Variants in RBBP4 observed in about 807,000 individuals in gnomAD.
RBBP4 encodes the protein RB binding protein 4, chromatin remodeling factor.
A neutral mutation model predicts 57.2 loss-of-function variants in RBBP4; 3 were observed. The observed-to-expected ratio is 0.05, with a 90% CI of 0.02 to 0.14. The LOEUF (loss-of-function observed/expected upper bound fraction) is 0.14. Among genes scored for constraint, RBBP4 ranks in the 10% least tolerant of loss-of-function variants. The pLI, the probability that RBBP4 is intolerant of heterozygous loss-of-function variation, is 1.00. For missense variants in RBBP4, 107 were observed against 520.6 expected (o/e 0.21, Z 7.73); for synonymous variants, 151 against 171.5 (o/e 0.88, Z 0.93).
intron 3 of RBBP4, among the ~76,000 whole-genome samples, chr1:32,657,900 T>C (rs1648212642): frequency 6.6e-6 from 1 of 152,188 alleles, no homozygotes; most frequent in African/African-American, 2.4e-5. Flanking sequence ...TTGCCTAGGT[T>C]GGAGTGTAGT....
chr1:32,674,283 C>T (rs1470789230), intron 11 of RBBP4, among the ~76,000 whole-genome samples: 1 of 146,300 alleles, frequency 6.8e-6, no homozygotes, highest in Non-Finnish European at 1.5e-5. Flanking sequence ...GTTCAGGCTA[C>T]AGTGCAGTGG....
chr1:32,677,262 A>C (rs1187339065), intron 11 of RBBP4, among the ~76,000 whole-genome samples: 2 of 151,968 alleles, frequency 1.3e-5, no homozygotes, highest in African/African-American at 4.8e-5. Context: ...TGAGGGTTAA[A>C]ACTTGTCGGC....
At chr1:32,651,619 C>T (rs1020230629) in intron 1 of RBBP4, 23 of 852,130 alleles carry the variant, frequency 2.7e-5, no homozygotes, top group Non-Finnish European at 3.6e-5. Context: ...GCTTCCTACC[C>T]ACAAGGCTCG....
intron 3 of RBBP4, among the ~76,000 whole-genome samples, chr1:32,663,305 G>C (rs993019685): frequency 6.6e-6 from 1 of 152,118 alleles, no homozygotes; most frequent in African/African-American, 2.4e-5. Flanking sequence ...CCTCACGTTT[G>C]TTTTAATAAT....
In RBBP4 at chr1:32,683,127, A is replaced by G. The variant is rs3180043; in HGVS notation, c.*3422A>G. 6.6e-6 allele frequency: 1 copy of G among 151,934 alleles called. No homozygotes were observed. The highest frequency in any genetic ancestry group is 1.5e-5 in the Non-Finnish European group (1 of 68,022). The allele number at this position is 151,934 out of a possible 1,614,324, so 9.4% of individuals were successfully genotyped here. A position where few individuals can be genotyped will look rare whatever the true frequency, so the allele number is the denominator to read the frequency against. ...GAAACCCCGTCTCTACTAAAATACA[A>G]AAAAATTAGCCAGGCGTGGTGGTGC... On this transcript the variant is annotated 3_prime_UTR_variant, in exon 12 of 12. Transcript: ENST00000373493.
intron 3 of RBBP4, among the ~76,000 whole-genome samples, chr1:32,660,732 T>C (rs549387578): frequency 3.5e-4 from 54 of 152,282 alleles, no homozygotes; most frequent in Admixed American, 9.8e-4. Context: ...GGGACTTTTA[T>C]GTTTGGGCCA....
At chr1:32,672,237 G>A (rs149257305) in intron 8 of RBBP4, among the ~76,000 whole-genome samples, 6,023 of 152,034 alleles carry the variant, frequency 0.04, 251 homozygotes, top group Admixed American at 0.12. Context: ...TGATCCACCC[G>A]CCTCCCAAAG....
chr1:32,676,803 C>T (rs1397289682), intron 11 of RBBP4, among the ~76,000 whole-genome samples: 1 of 151,746 alleles, frequency 6.6e-6, no homozygotes, highest in East Asian at 1.9e-4. Flanking sequence ...AATAGCTGGG[C>T]GTGATGGCAC....
intron 3 of RBBP4, among the ~76,000 whole-genome samples, chr1:32,667,256 G>C (rs627453): frequency 0.97 from 148,227 of 152,326 alleles, 72,250 homozygotes; most frequent in East Asian, 1. Flanking sequence ...CTTTGAAGTT[G>C]CTAGAGGATA....
chr1:32,672,338 A>G, intron 8 of RBBP4, 112 bp from the exon 9 acceptor site: 1 of 826,780 alleles, frequency 1.2e-6, no homozygotes, highest in Non-Finnish European at 1.9e-6. Context: ...TAATACCTTG[A>G]CTTCCTCTTC....
At chr1:32,673,535 T>C (rs1215868881) in intron 11 of RBBP4, 11 of 408,258 alleles carry the variant, frequency 2.7e-5, no homozygotes, top group South Asian at 1.9e-4. Context: ...CCTCCCAGGT[T>C]CGATCGATTC....
Position 32,679,720 on chromosome 1 carries a change from G to GT in RBBP4, c.*17dup. 1 of 1,612,422 alleles carries GT rather than the reference G, an allele frequency of 6.2e-7. No homozygotes were observed. Among genetic ancestry groups the GT allele is most frequent in the Non-Finnish European group, 8.5e-7 (1 of 1,179,174 alleles). ...AAGGGTCCTAGATATGTCTTTACTT[G>GT]TTGTGATTTTAGACTCCCCTTTTTT... On this transcript the variant is annotated 3_prime_UTR_variant, in exon 12 of 12. Coordinates refer to ENST00000373493, the MANE Select transcript of RBBP4 (RefSeq NM_005610.3).
chr1:32,671,068 T>A (rs1352716611), intron 8 of RBBP4, among the ~76,000 whole-genome samples: 1 of 152,188 alleles, frequency 6.6e-6, no homozygotes, highest in African/African-American at 2.4e-5. Flanking sequence ...ACTTTTACCA[T>A]ATTTGGTAGC....
chr1:32,667,626 G>T (rs1017999964), intron 3 of RBBP4, among the ~76,000 whole-genome samples: 2 of 152,112 alleles, frequency 1.3e-5, no homozygotes, highest in African/African-American at 4.8e-5. Flanking sequence ...GAGAACACCC[G>T]CTAAGCCCCG....
chr1:32,675,756 G>A (rs1349567668), intron 11 of RBBP4, among the ~76,000 whole-genome samples: 1 of 151,918 alleles, frequency 6.6e-6, no homozygotes, highest in Non-Finnish European at 1.5e-5. Context: ...GTGACAGGGC[G>A]AGACTCTGTC....
intron 11 of RBBP4, chr1:32,673,497 G>A (rs1648962667): frequency 4.7e-6 from 2 of 422,660 alleles, no homozygotes; most frequent in South Asian, 3.4e-5. Context: ...GAGTGCAATG[G>A]TGCAATCTCG....
At position 32,651,709 on chromosome 1, in the gene RBBP4, G is replaced by A. The variant is rs1005884633; in HGVS notation, c.17-205G>A. 19 of 789,692 alleles carry A rather than the reference G, an allele frequency of 2.4e-5. No individual in the cohort carries two copies. In the Admixed American group the frequency reaches 3.9e-4, roughly 16 times the overall value. The allele number at this position is 789,692 out of a possible 1,614,324, so 48.9% of individuals were successfully genotyped here. On this transcript the variant is annotated intron_variant, in intron 1 of 11. Coordinates refer to ENST00000373493, the MANE Select transcript of RBBP4 (RefSeq NM_005610.3). ...GAAGGCCTGGCTGGCCCCTTGGCCT[G>A]GAACGGGTAACGGAGTGTTTGGCGG...
At chr1:32,654,588 G>A (rs1648052040) in intron 2 of RBBP4, among the ~76,000 whole-genome samples, 1 of 152,158 alleles carries the variant, frequency 6.6e-6, no homozygotes, top group African/African-American at 2.4e-5. Flanking sequence ...TCGAAAGCAA[G>A]AATTAAAGAC....
intron 3 of RBBP4, among the ~76,000 whole-genome samples, chr1:32,664,935 AC>A: frequency 6.6e-6 from 1 of 152,304 alleles, no homozygotes; most frequent in East Asian, 1.9e-4. Flanking sequence ...TGTCTAAAAA[AC>A]AATGTACATA....
Sources: gnomAD v4.1 joint callset for allele counts (sites outside exome capture counted in the v4.1 genomes callset) on GRCh38, gnomAD v4.1.1 for gene constraint, MANE v1.5 for transcripts, NCBI Gene and HGNC (gene_info 2026-07-23, HGNC 2026-07-21) for gene names.